Variants in MAN1B1 observed in about 807,000 individuals in gnomAD.
MAN1B1 encodes the protein mannosidase alpha class 1B member 1, also known as endoplasmic reticulum mannosyl-oligosaccharide 1,2-alpha-mannosidase.
MAN1B1 carries 66 observed loss-of-function variants against 75.5 expected under a neutral mutation model. The observed-to-expected ratio is 0.87, with a 90% CI of 0.72 to 1.07. MAN1B1 has a LOEUF of 1.07. MAN1B1 is among the 50% of genes least tolerant of loss of function. The pLI, the probability that MAN1B1 is intolerant of heterozygous loss-of-function variation, is 0.00. For missense variants in MAN1B1, 973 were observed against 912.5 expected (o/e 1.07, Z -0.85); for synonymous variants, 453 against 382.8 (o/e 1.18, Z -2.14).
intron 8 of MAN1B1, chr9:137,105,687 C>T: frequency 2.9e-6 from 1 of 344,004 alleles, no homozygotes; most frequent in African/African-American, 2.2e-5. Context: ...AGGAGCTCAC[C>T]AGGAGGGCGT....
intron 12 of MAN1B1, chr9:137,108,172 G>A (rs1831186052): frequency 9.7e-6 from 6 of 616,302 alleles, no homozygotes; most frequent in East Asian, 2.7e-5. Context: ...GGGGGAGGCG[G>A]TTTCTGTCGT....
In MAN1B1 at chr9:137,096,654, G is replaced by A. The variant is rs78464754; in HGVS notation, c.620+263G>A. Among the ~76,000 whole-genome samples, 1,176 of 152,348 alleles carry A rather than the reference G, an allele frequency of 7.7e-3. 8 individuals carry two copies. Among genetic ancestry groups the A allele is most frequent in the African/African-American group, 0.019 (778 of 41,578 alleles). ...GTGTGCGTGTGAAGGGTGCACAGGT[G>A]CGTGGGGATGGGGAGCCAGGCTCAG... On this transcript the variant is annotated intron_variant, in intron 4 of 12. Coordinates refer to ENST00000371589, the MANE Select transcript of MAN1B1 (RefSeq NM_016219.5).
At chr9:137,103,875 G>T in intron 8 of MAN1B1, 1 of 454,792 alleles carries the variant, frequency 2.2e-6, no homozygotes, top group Non-Finnish European at 4.4e-6. Flanking sequence ...GCAGGTCAGT[G>T]GTGTTACACA....
chr9:137,088,230 G>C, intron 2 of MAN1B1, 47 bp downstream of exon 2: 1 of 1,613,976 alleles, frequency 6.2e-7, no homozygotes, highest in Non-Finnish European at 8.5e-7. Flanking sequence ...GTTGAGGGTT[G>C]ATTGGGCAGA....
At chr9:137,094,706 C>T (rs757647468) in intron 3 of MAN1B1, among the ~76,000 whole-genome samples, 11 of 151,650 alleles carry the variant, frequency 7.3e-5, no homozygotes, top group Non-Finnish European at 1.5e-4. Flanking sequence ...TGGTGAAATC[C>T]TGTCTCTACT....
chr9:137,091,521 ATTTTT>A (rs964752016), intron 3 of MAN1B1, among the ~76,000 whole-genome samples: 8 of 89,926 alleles, frequency 8.9e-5, no homozygotes, highest in South Asian at 4.7e-4. Context: ...TTTGTTTTAT[ATTTTT>A]TTTTTTTTTT....
chr9:137,108,891 G>C lies in MAN1B1; in HGVS notation c.*300G>C, dbSNP rs548567381. ...GCAGGTCTCTGTGGGCCGACCAGAG[G>C]GGGGCTTCGAGGTGGTCCCTGGTAC... On this transcript the variant is annotated 3_prime_UTR_variant, in exon 13 of 13. Transcript: ENST00000371589. The C allele has an allele frequency of 3.2e-5, 18 of 555,474 alleles. No individual in the cohort carries two copies. Among genetic ancestry groups the C allele is most frequent in the Middle Eastern group, 2.7e-4 (1 of 3,664 alleles). 34.4% of individuals were successfully genotyped at this position (555,474 alleles called of 1,614,324 possible). A position where few individuals can be genotyped will look rare whatever the true frequency, so the allele number is the denominator to read the frequency against.
intron 12 of MAN1B1, chr9:137,108,012 C>T (rs1490947734): frequency 3.2e-6 from 2 of 617,612 alleles, no homozygotes; most frequent in Non-Finnish European, 5.9e-6. Context: ...TGGACCAGGC[C>T]CTGTTTTAGG....
chr9:137,096,172 A>T, intron 3 of MAN1B1, 65 bp from the exon 4 acceptor site: 1 of 1,571,152 alleles, frequency 6.4e-7, no homozygotes. Flanking sequence ...AGGGCGTCCC[A>T]TAGAGGGAAA....
chr9:137,102,627 G>A (rs1333542428), intron 8 of MAN1B1: 1 of 434,994 alleles, frequency 2.3e-6, no homozygotes, highest in African/African-American at 2.4e-5. Context: ...GGTCGGTGGT[G>A]TTACATTCAC....
chr9:137,095,032 A>G (rs1273236223), intron 3 of MAN1B1, among the ~76,000 whole-genome samples: 1 of 149,392 alleles, frequency 6.7e-6, no homozygotes, highest in East Asian at 2.0e-4. Flanking sequence ...TACTAAAGAT[A>G]CAAAAATTAG....
intron 8 of MAN1B1, chr9:137,104,123 A>G (rs944070334): frequency 1.5e-5 from 7 of 453,736 alleles, no homozygotes; most frequent in Admixed American, 7.1e-5. Context: ...CCCATCACAC[A>G]GTGACCCTTC....
At chr9:137,106,462 C>A in intron 9 of MAN1B1, 147 bp downstream of exon 9, 1 of 994,514 alleles carries the variant, frequency 1.0e-6, no homozygotes, top group Non-Finnish European at 1.5e-6. Context: ...CCAGGCCTGG[C>A]CCAGGCATTT....
chr9:137,108,427 G>C lies in MAN1B1; in HGVS notation c.1936G>C (p.Asp646His). 1 of 1,613,874 alleles carries C rather than the reference G, an allele frequency of 6.2e-7. No individual in the cohort carries two copies. The highest frequency in any genetic ancestry group is 8.5e-7 in the Non-Finnish European group (1 of 1,180,008). The change falls in exon 13 of 13, where the codon GAT becomes CAT. Residue 646 changes from aspartate (D) to histidine (H), a missense_variant. By Grantham distance (81) the Asp-to-His change is moderately conservative. Coordinates refer to ENST00000371589, the MANE Select transcript of MAN1B1 (RefSeq NM_016219.5). ...CTATTCTTCCATCAACAATGTCCAG[G>C]ATCCTCAGAAGCCCGAGCCTAGGGA... ...GGYSSINNVQDPQKPEPRDKM... is the reference protein window; with the variant it reads ...GGYSSINNVQHPQKPEPRDKM...
chr9:137,106,371 C>T (rs1245485645), intron 9 of MAN1B1, 56 bp downstream of exon 9: 22 of 1,466,420 alleles, frequency 1.5e-5, no homozygotes, highest in East Asian at 5.0e-5. Flanking sequence ...CCGCAGCCCC[C>T]CACTCCTGCT....
Position 137,107,439 on chromosome 9 carries a change from G to A in MAN1B1, c.1756G>A (p.Glu586Lys), listed in dbSNP as rs1318902495. The A allele has an allele frequency of 1.2e-6, 2 of 1,613,332 alleles. No individual in the cohort carries two copies. The highest frequency in any genetic ancestry group is 4.5e-5 in the East Asian group (2 of 44,878). The change falls in exon 11 of 13, where the codon GAG becomes AAG. Residue 586 changes from glutamate to lysine, a missense_variant. Glu to Lys is a moderately conservative substitution (Grantham distance 56). Transcript: ENST00000371589. ...LYPQPGRRDV[E>K]VKPADRHNLL... ...CCCCCAGCCGGGCCGTCGGGACGTG[G>A]AGGTCAAGGTGGGCCTGGGCCTGGG...
chr9:137,101,225 G>A, intron 7 of MAN1B1, 72 bp downstream of exon 7: 1 of 1,569,056 alleles, frequency 6.4e-7, no homozygotes, highest in Non-Finnish European at 8.8e-7. Context: ...TAGTGGACTT[G>A]TGGGGACGTG....
At chr9:137,094,897 A>C (rs896718604) in intron 3 of MAN1B1, among the ~76,000 whole-genome samples, 12 of 149,208 alleles carry the variant, frequency 8.0e-5, no homozygotes, top group Non-Finnish European at 1.8e-4. Context: ...CAAACAAACA[A>C]AAAAAACAGG....
intron 4 of MAN1B1, among the ~76,000 whole-genome samples, chr9:137,097,150 G>GC (rs1436462200): frequency 6.6e-6 from 1 of 152,232 alleles, no homozygotes; most frequent in Non-Finnish European, 1.5e-5. Context: ...GCTCTAGTTA[G>GC]CGTTGGCATG....
Sources: allele counts gnomAD v4.1 joint callset (sites outside exome capture counted in the v4.1 genomes callset), GRCh38; gene constraint gnomAD v4.1.1; transcripts MANE v1.5; gene names NCBI Gene and HGNC (gene_info 2026-07-23, HGNC 2026-07-21).